The following PCDHA6 variants were observed in gnomAD, a reference collection of about 807,000 sequenced individuals.
The protein encoded by PCDHA6 is protocadherin alpha 6.
Under a neutral mutation model 60.3 loss-of-function variants are expected in PCDHA6, and 55 were observed. The ratio of observed to expected loss-of-function variants is 0.91; its 90% CI spans 0.73 to 1.14. The LOEUF (loss-of-function observed/expected upper bound fraction) is 1.14, where lower values mean the gene tolerates loss of function less well. Ranked by LOEUF, PCDHA6 falls within the 50% of genes most tolerant of loss-of-function variation. PCDHA6 has a pLI of 0.00. For synonymous variants in PCDHA6, 652 were observed against 557.9 expected, an observed-to-expected ratio of 1.17 and a Z score of -2.38; for missense variants, 1,327 against 1,256.5, an observed-to-expected ratio of 1.06 and a Z score of -0.85.
intron 1 of PCDHA6, among the ~76,000 whole-genome samples, chr5:140,839,640 TC>T (rs1776343463): frequency 6.6e-6 from 1 of 152,096 alleles, no homozygotes; most frequent in Admixed American, 6.5e-5. Flanking sequence ...AATACTATTT[TC>T]TTTACAAATT....
At chr5:140,917,498 G>A (rs1303014069) in intron 1 of PCDHA6, among the ~76,000 whole-genome samples, 2 of 152,204 alleles carry the variant, frequency 1.3e-5, no homozygotes, top group African/African-American at 4.8e-5. Context: ...TGCCCAGAAT[G>A]ATATTTTCTA....
chr5:140,849,289 A>G, intron 1 of PCDHA6: 1 of 1,220,472 alleles, frequency 8.2e-7, no homozygotes, highest in Non-Finnish European at 1.1e-6. Context: ...ATTCACCCCA[A>G]TGCCTCAGAT....
intron 1 of PCDHA6, among the ~76,000 whole-genome samples, chr5:140,935,193 G>A (rs782043966): frequency 3.3e-5 from 5 of 152,122 alleles, no homozygotes; most frequent in Non-Finnish European, 4.4e-5. Flanking sequence ...GTCAGTTGCT[G>A]TTTCTAGGTA....
intron 1 of PCDHA6, among the ~76,000 whole-genome samples, chr5:140,973,235 A>C (rs1390895303): frequency 6.6e-6 from 1 of 152,218 alleles, no homozygotes; most frequent in Non-Finnish European, 1.5e-5. Context: ...GTGACCTGAA[A>C]GAGTTAATTC....
intron 1 of PCDHA6, among the ~76,000 whole-genome samples, chr5:140,885,298 G>C (rs1328478663): frequency 6.6e-6 from 1 of 152,040 alleles, no homozygotes; most frequent in East Asian, 1.9e-4. Flanking sequence ...AGAGAGACCT[G>C]GTAGGCTTTT....
At position 140,828,956 on chromosome 5, in the gene PCDHA6, G is replaced by A; in HGVS notation, c.865G>A (p.Val289Ile). 2 of 1,614,244 alleles carry A rather than the reference G, an allele frequency of 1.2e-6. No individual in the cohort carries two copies. Among genetic ancestry groups the A allele is most frequent in the Non-Finnish European group, 1.7e-6 (2 of 1,180,046 alleles). Reference protein sequence around the residue: ...YSFNSLVAAMVIDHFSIDRNT... With the variant: ...YSFNSLVAAMIIDHFSIDRNT... ...TTTTAATAGCCTTGTTGCAGCCATGGTTATTGACCACTTTAGCATAGATCG... is the reference window on the plus strand; with the variant it reads ...TTTTAATAGCCTTGTTGCAGCCATGATTATTGACCACTTTAGCATAGATCG... The change falls in exon 1 of 4, where the codon GTT becomes ATT. Residue 289 changes from valine (V) to isoleucine (I), a missense_variant. By Grantham distance (29) the Val-to-Ile change is conservative. Transcript: ENST00000529310.
intron 3 of PCDHA6, among the ~76,000 whole-genome samples, chr5:141,008,072 T>C (rs1419103459): frequency 2.0e-5 from 3 of 152,272 alleles, no homozygotes; most frequent in Admixed American, 6.5e-5. Context: ...TAAGAACTTA[T>C]TGGGGTTATT....
At chr5:140,875,597 G>T in intron 1 of PCDHA6, 1 of 1,613,960 alleles carries the variant, frequency 6.2e-7, no homozygotes, top group African/African-American at 1.3e-5. Flanking sequence ...GCCAAACACG[G>T]CACCTTCGTG....
intron 1 of PCDHA6, chr5:140,877,293 G>C (rs782717737): frequency 1.2e-6 from 2 of 1,613,936 alleles, no homozygotes; most frequent in Non-Finnish European, 1.7e-6. Context: ...ACGCTTGGCT[G>C]TCCTACGAGT....
At chr5:140,967,188 TCAACGA>T in intron 1 of PCDHA6, 1 of 1,613,420 alleles carries the variant, frequency 6.2e-7, no homozygotes, top group Non-Finnish European at 8.5e-7. Flanking sequence ...ATATTGGACA[TCAACGA>T]CAACTCACCG....
chr5:140,900,907 T>C (rs1156878452), intron 1 of PCDHA6, among the ~76,000 whole-genome samples: 1 of 152,190 alleles, frequency 6.6e-6, no homozygotes, highest in African/African-American at 2.4e-5. Context: ...ATTTTAACTG[T>C]GGTAAGATGA....
chr5:140,943,493 T>C (rs2093505211), intron 1 of PCDHA6, among the ~76,000 whole-genome samples: 1 of 152,118 alleles, frequency 6.6e-6, no homozygotes, highest in Non-Finnish European at 1.5e-5. Context: ...AAATAGATGC[T>C]ATCAAGGTTC....
At chr5:140,928,928 C>T in intron 1 of PCDHA6, 3 of 1,614,130 alleles carry the variant, frequency 1.9e-6, no homozygotes, top group Non-Finnish European at 2.5e-6. Context: ...CAGCTTTCTG[C>T]CCAGAACTTG....
At chr5:140,952,675 T>A (rs2153696875) in intron 1 of PCDHA6, among the ~76,000 whole-genome samples, 1 of 152,326 alleles carries the variant, frequency 6.6e-6, no homozygotes, top group East Asian at 1.9e-4. Context: ...ACTTTCACAT[T>A]TTCAGGATCT....
intron 2 of PCDHA6, among the ~76,000 whole-genome samples, chr5:140,980,472 A>G (rs782408123): frequency 6.6e-6 from 1 of 152,210 alleles, no homozygotes; most frequent in Non-Finnish European, 1.5e-5. Context: ...TCTACTAAAA[A>G]TACAAAAATT....
At chr5:140,928,467 A>C (rs782319281) in intron 1 of PCDHA6, 29 of 1,614,142 alleles carry the variant, frequency 1.8e-5, no homozygotes, top group Non-Finnish European at 2.3e-5. Flanking sequence ...ATTTCCAAGT[A>C]GAAGGCCGGG....
chr5:140,927,697 C>T, intron 1 of PCDHA6: 2 of 1,614,170 alleles, frequency 1.2e-6, no homozygotes, highest in Non-Finnish European at 1.7e-6. Flanking sequence ...TGGGGAAGTC[C>T]AGTACTCCCT....
Position 140,843,020 on chromosome 5 carries a change from G to A in PCDHA6, c.2394+12535G>A, listed in dbSNP as rs142550829. ...GAATGACAACGCGCCGGCACTGCTG[G>A]AGCCTCGGGTGGGTGGCACTGGTGG... On this transcript the variant is annotated intron_variant, in intron 1 of 3. Transcript: ENST00000529310. 14 of 1,595,174 alleles carry A rather than the reference G, an allele frequency of 8.8e-6. 2 individuals carry two copies. In the African/African-American group the frequency reaches 1.7e-4, roughly 20 times the overall value.
chr5:140,841,175 A>C, intron 1 of PCDHA6: 2 of 1,071,562 alleles, frequency 1.9e-6, no homozygotes, highest in Non-Finnish European at 2.7e-6. Context: ...CTGGTTGGTC[A>C]ATGTTCAAAG....
Sources: allele counts gnomAD v4.1 joint callset (sites outside exome capture counted in the v4.1 genomes callset), GRCh38; gene constraint gnomAD v4.1.1; transcripts MANE v1.5; gene names NCBI Gene and HGNC (gene_info 2026-07-23, HGNC 2026-07-21).